Variants in HHAT observed in about 807,000 individuals in gnomAD.
HHAT encodes the protein hedgehog acyltransferase.
Under a neutral mutation model 70.8 loss-of-function variants are expected in HHAT, and 47 were observed. That is an observed-to-expected ratio of 0.66 (90% confidence interval 0.53 to 0.85). The LOEUF (loss-of-function observed/expected upper bound fraction) is 0.85, where lower values mean the gene tolerates loss of function less well. HHAT is among the 40% of genes least tolerant of loss of function. HHAT has a pLI of 0.00. For missense variants in HHAT, 609 were observed against 604.8 expected (o/e 1.01, Z -0.07); for synonymous variants, 228 against 247.6 (o/e 0.92, Z 0.74).
chr1:210,437,789 T>G lies in HHAT; in HGVS notation c.856+19464T>G, dbSNP rs1011305917. On this transcript the variant is annotated intron_variant, in intron 7 of 11. Coordinates refer to ENST00000261458, the MANE Select transcript of HHAT (RefSeq NM_018194.6). ...TTCCTGATTTTAAACGTCTCCTTAT[T>G]AACATTTATCCAATTGAATTCCTTC... 2.6e-5 allele frequency among the ~76,000 whole-genome samples: 4 copies of G among 151,794 alleles called. 1 individual carries two copies. The highest frequency in any genetic ancestry group is 9.7e-5 in the African/African-American group (4 of 41,088).
At chr1:210,412,687 G>T (rs2092598809) in intron 6 of HHAT, among the ~76,000 whole-genome samples, 1 of 152,202 alleles carries the variant, frequency 6.6e-6, no homozygotes, top group Non-Finnish European at 1.5e-5. Context: ...GGTGCCTCTG[G>T]ACACATGGTG....
At chr1:210,340,242 G>GGA (rs1553313987) in intron 1 of HHAT, among the ~76,000 whole-genome samples, 37 of 99,770 alleles carry the variant, frequency 3.7e-4, no homozygotes, top group Non-Finnish European at 3.9e-4. Context: ...CTCTGTCTCA[G>GGA]AAAAAAAAAA....
At chr1:210,459,146 A>G (rs1445080409) in intron 7 of HHAT, among the ~76,000 whole-genome samples, 1 of 152,180 alleles carries the variant, frequency 6.6e-6, no homozygotes, top group Non-Finnish European at 1.5e-5. Context: ...GGCAGTACCT[A>G]ACCTAGTGCT....
At chr1:210,585,135 G>A (rs72749391) in intron 9 of HHAT, among the ~76,000 whole-genome samples, 4,794 of 149,582 alleles carry the variant, frequency 0.032, 108 homozygotes, top group Middle Eastern at 0.065. Flanking sequence ...GGGTTGTAAT[G>A]GAAGCAGTAA....
At chr1:210,550,789 C>T (rs374381955) in intron 9 of HHAT, among the ~76,000 whole-genome samples, 2 of 148,748 alleles carry the variant, frequency 1.3e-5, no homozygotes, top group African/African-American at 5.0e-5. Context: ...CCTGCCTCAG[C>T]CTCCCAAGTA....
Position 210,400,537 on chromosome 1 carries a change from G to A in HHAT, c.343G>A (p.Ala115Thr). 6.2e-7 allele frequency: 1 copy of A among 1,614,074 alleles called. No individual in the cohort carries two copies. Among genetic ancestry groups the A allele is most frequent in the Non-Finnish European group, 8.5e-7 (1 of 1,180,008 alleles). The change falls in exon 5 of 12, where the codon GCT becomes ACT. Residue 115 changes from alanine (A) to threonine (T), a missense_variant. By Grantham distance (58) the Ala-to-Thr change is moderately conservative. Coordinates refer to ENST00000261458, the MANE Select transcript of HHAT (RefSeq NM_018194.6). ...CWCVLGTPGVAMVLLHTTISF... is the reference protein window; with the variant it reads ...CWCVLGTPGVTMVLLHTTISF... ...GTGTGTGCTGGGGACCCCTGGTGTG[G>A]CTATGGTTTTGCTCCATACCACCAT...
chr1:210,441,228 G>A (rs922125390), intron 7 of HHAT, among the ~76,000 whole-genome samples: 1 of 152,246 alleles, frequency 6.6e-6, no homozygotes, highest in East Asian at 1.9e-4. Flanking sequence ...CTGTGGTCAA[G>A]TTTCACAAAT....
chr1:210,649,040 A>G (rs1343280673), intron 11 of HHAT, among the ~76,000 whole-genome samples: 1 of 152,224 alleles, frequency 6.6e-6, no homozygotes, highest in Non-Finnish European at 1.5e-5. Flanking sequence ...CCCAATTGGT[A>G]TATATGAAAA....
intron 3 of HHAT, among the ~76,000 whole-genome samples, chr1:210,373,704 C>G (rs746652350): frequency 5.9e-5 from 9 of 152,152 alleles, no homozygotes; most frequent in Admixed American, 2.6e-4. Context: ...CAGTTTACAC[C>G]AAGCTGATCA....
chr1:210,658,078 C>T (rs142691983), intron 11 of HHAT, among the ~76,000 whole-genome samples: 58 of 152,268 alleles, frequency 3.8e-4, no homozygotes, highest in African/African-American at 1.3e-3. Context: ...GACCATTTTA[C>T]CATGCATGCC....
chr1:210,415,968 T>A (rs1471974362), intron 6 of HHAT, among the ~76,000 whole-genome samples: 1 of 148,058 alleles, frequency 6.8e-6, no homozygotes, highest in African/African-American at 2.7e-5. Context: ...CTAATTTACA[T>A]TTTAAAAGTT....
chr1:210,562,804 C>A (rs866157104), intron 9 of HHAT, among the ~76,000 whole-genome samples: 4 of 109,846 alleles, frequency 3.6e-5, no homozygotes, highest in Admixed American at 1.2e-4. Flanking sequence ...ATCCCTCCCC[C>A]CTCCCCCCAC....
chr1:210,418,294 C>G lies in HHAT; in HGVS notation c.825C>G (p.Pro275=). 1.2e-6 allele frequency: 2 copies of G among 1,606,886 alleles called. No homozygotes were observed. The highest frequency in any genetic ancestry group is 1.7e-6 in the Non-Finnish European group (2 of 1,176,010). ...MYMHAIYSSI[P]LLETVSCWTL... is the part of the protein sequence containing the mutation. ...TGCATGCCATCTACAGCAGCATCCC[C>G]CTCCTGGAGACTGTCTCTTGTTGGA... Residue 275 remains proline (P), a synonymous_variant, in exon 7 of 12, where the codon CCC becomes CCG. Transcript: ENST00000261458.
intron 7 of HHAT, among the ~76,000 whole-genome samples, chr1:210,418,823 A>T (rs566024007): frequency 6.6e-6 from 1 of 152,138 alleles, no homozygotes; most frequent in African/African-American, 2.4e-5. Flanking sequence ...ACTTGAGGTC[A>T]GGAGTTTGAG....
At chr1:210,417,247 G>A (rs527867132) in intron 6 of HHAT, among the ~76,000 whole-genome samples, 1 of 152,100 alleles carries the variant, frequency 6.6e-6, no homozygotes, top group African/African-American at 2.4e-5. Flanking sequence ...GTTTTGTTTT[G>A]TTTTTTAGAC....
At chr1:210,395,128 TG>T (rs1390070544) in intron 4 of HHAT, among the ~76,000 whole-genome samples, 1 of 152,058 alleles carries the variant, frequency 6.6e-6, no homozygotes, top group Non-Finnish European at 1.5e-5. Context: ...TCCCATTGAG[TG>T]GTTTCTTGGC....
At chr1:210,666,294 C>A (rs1558392149) in intron 11 of HHAT, among the ~76,000 whole-genome samples, 1 of 152,162 alleles carries the variant, frequency 6.6e-6, no homozygotes, top group Non-Finnish European at 1.5e-5. Context: ...TGTGCTGGTT[C>A]AGCAACAGCA....
intron 9 of HHAT, among the ~76,000 whole-genome samples, chr1:210,577,623 T>C (rs2148756380): frequency 6.7e-6 from 1 of 150,212 alleles, no homozygotes; most frequent in East Asian, 1.9e-4. Context: ...GCATTAGGGA[T>C]ATTGGCCTGT....
chr1:210,390,531 G>C (rs1453873566), intron 4 of HHAT, among the ~76,000 whole-genome samples: 1 of 151,962 alleles, frequency 6.6e-6, no homozygotes, highest in Non-Finnish European at 1.5e-5. Flanking sequence ...GTAGTTTTCG[G>C]GGTACAGGTG....
Sources: gnomAD v4.1 joint callset for allele counts (sites outside exome capture counted in the v4.1 genomes callset) on GRCh38, gnomAD v4.1.1 for gene constraint, MANE v1.5 for transcripts, NCBI Gene and HGNC (gene_info 2026-07-23, HGNC 2026-07-21) for gene names.